The following XIST variants were observed in gnomAD, a reference collection of about 807,000 sequenced individuals.
XIST encodes X inactive specific transcript.
exon 1 of XIST, chrX:73,850,217 A>G (rs1325217313): frequency 1.1e-5 from 6 of 548,491 alleles, no homozygotes; most frequent in Non-Finnish European, 2.0e-5. Flanking sequence ...GTCAATTTCA[A>G]AGAAAATGAC....
exon 6 of XIST, chrX:73,826,447 T>TAACAAATAGGTAACAA: frequency 1.8e-6 from 1 of 557,888 alleles, no homozygotes; most frequent in Non-Finnish European, 3.2e-6. Flanking sequence ...TACAAAACAC[T>TAACAAATAGGTAACAA]ATAGCCTAAC....
chrX:73,841,676 T>C (rs892724963), exon 1 of XIST: 1 of 530,363 alleles, frequency 1.9e-6, no homozygotes, highest in African/African-American at 2.2e-5. Context: ...AATTTTGGCT[T>C]ATTTTTCTTA....
At chrX:73,851,719 CAT>C in exon 1 of XIST, 1 of 559,249 alleles carries the variant, frequency 1.8e-6, no homozygotes, top group South Asian at 2.2e-5. Flanking sequence ...ATGCAATGCA[CAT>C]GACTTCCTCT....
exon 1 of XIST, chrX:73,851,956 C>T: frequency 5.4e-6 from 3 of 557,084 alleles, no homozygotes; most frequent in Non-Finnish European, 9.7e-6. Context: ...CCAGAGAGTG[C>T]AACAACCCAC....
At chrX:73,843,513 G>C (rs1005719291) in exon 1 of XIST, 1 of 556,903 alleles carries the variant, frequency 1.8e-6, no homozygotes, top group Non-Finnish European at 3.2e-6. Context: ...TAAAAGAAAA[G>C]GGTTCATTCA....
Position 73,824,646 on chromosome X carries a change from A to G in XIST, n.15255T>C, listed in dbSNP as rs1274733622. On this transcript the variant is annotated non_coding_transcript_exon_variant, in exon 6 of 6. Coordinates refer to ENST00000429829, the Ensembl canonical transcript of XIST. Reference sequence around the variant, plus strand: ...ACCTAGCTTACAGAAAGTTTTATTCATACAGAAAGCATCAAATTTTTCATT... The same window carrying G: ...ACCTAGCTTACAGAAAGTTTTATTCGTACAGAAAGCATCAAATTTTTCATT... The G allele has an allele frequency of 9.0e-6, 5 of 555,936 alleles. No individual in the cohort carries two copies. The East Asian group carries it at 1.6e-4, about 18-fold the overall frequency. 45.8% of individuals were successfully genotyped at this position (555,936 alleles called of 1,213,427 possible).
intron 2 of XIST, chrX:73,833,568 A>T (rs1277462015): frequency 2.1e-5 from 6 of 287,253 alleles, no homozygotes; most frequent in Admixed American, 1.8e-4. Flanking sequence ...GTACACGGGA[A>T]GATTAGACAA....
At chrX:73,834,862 C>G (rs7066064) in intron 2 of XIST, among the ~76,000 whole-genome samples, 1 of 62,070 alleles carries the variant, frequency 1.6e-5, no homozygotes, top group African/African-American at 6.3e-5. Context: ...GGGTGGGGGG[C>G]GGGTGCCTGT....
intron 1 of XIST, among the ~76,000 whole-genome samples, chrX:73,840,098 CAT>C (rs1426407906): frequency 1.8e-5 from 2 of 111,459 alleles, no homozygotes; most frequent in East Asian, 5.6e-4. Context: ...AATTGGAAAA[CAT>C]ATTTACATTT....
chrX:73,826,950 G>A (rs755966561), exon 6 of XIST: 39 of 556,578 alleles, frequency 7.0e-5, no homozygotes, highest in East Asian at 5.5e-4. Flanking sequence ...TCAGGCCTTC[G>A]GTCCAATTCA....
At chrX:73,823,250 G>A in exon 6 of XIST, 2 of 518,904 alleles carry the variant, frequency 3.9e-6, no homozygotes, top group Non-Finnish European at 6.9e-6. Context: ...GTGATTTGGG[G>A]GATTCCTGAA....
chrX:73,826,301 C>T (rs1372855881), exon 6 of XIST: 1 of 558,838 alleles, frequency 1.8e-6, no homozygotes, highest in Admixed American at 2.2e-5. Flanking sequence ...CTTCTGGGGT[C>T]AAAAGAAAGG....
chrX:73,823,666 G>C lies in XIST; in HGVS notation n.16235C>G, dbSNP rs1049989568. ...ACTGGATGGAAGACCACAACACCTTGTTTTTTGCAAAAATTTTCCATCTCC... is the reference window on the plus strand; with the variant it reads ...ACTGGATGGAAGACCACAACACCTTCTTTTTTGCAAAAATTTTCCATCTCC... On this transcript the variant is annotated non_coding_transcript_exon_variant, in exon 6 of 6. Coordinates refer to ENST00000429829, the Ensembl canonical transcript of XIST. The C allele has an allele frequency of 7.2e-6, 4 of 556,543 alleles. No homozygotes were observed. The African/African-American group carries it at 9.0e-5, about 12-fold the overall frequency. 45.9% of individuals were successfully genotyped at this position (556,543 alleles called of 1,213,427 possible).
chrX:73,830,895 A>C (rs1922366975), intron 4 of XIST, among the ~76,000 whole-genome samples: 1 of 112,058 alleles, frequency 8.9e-6, no homozygotes, highest in African/African-American at 3.2e-5. Context: ...CACTTTAACC[A>C]GTTAATCTCA....
exon 1 of XIST, chrX:73,849,107 G>A (rs902379753): frequency 9.0e-6 from 5 of 557,598 alleles, no homozygotes; most frequent in Non-Finnish European, 9.7e-6. Flanking sequence ...TAAATCTCAG[G>A]TAGTCAGCGC....
exon 1 of XIST, chrX:73,841,872 TGAAA>T (rs1357661588): frequency 3.9e-6 from 2 of 513,559 alleles, no homozygotes; most frequent in African/African-American, 4.6e-5. Context: ...GCAATCTTCT[TGAAA>T]TAAGTAGGGG....
At chrX:73,845,187 G>A (rs1383978894) in exon 1 of XIST, 1 of 557,102 alleles carries the variant, frequency 1.8e-6, no homozygotes, top group South Asian at 2.2e-5. Flanking sequence ...GTCTTATGGA[G>A]CGGGTACTTC....
At chrX:73,843,196 G>A in exon 1 of XIST, 1 of 558,659 alleles carries the variant, frequency 1.8e-6, no homozygotes, top group Non-Finnish European at 3.2e-6. Context: ...AGCCCCTGCA[G>A]TAATGCAAAG....
exon 5 of XIST, chrX:73,829,193 A>C: frequency 3.6e-6 from 2 of 558,471 alleles, no homozygotes; most frequent in Non-Finnish European, 6.5e-6. Flanking sequence ...CACTGCTTGT[A>C]GGAAGTATAA....
Sources: allele counts gnomAD v4.1 joint callset (sites outside exome capture counted in the v4.1 genomes callset), GRCh38; gene constraint gnomAD v4.1.1; transcripts MANE v1.5; gene names NCBI Gene and HGNC (gene_info 2026-07-23, HGNC 2026-07-21).